Variants in RAPGEF4 observed in about 807,000 individuals in gnomAD.
The protein encoded by RAPGEF4 is Rap guanine nucleotide exchange factor 4.
RAPGEF4 carries 66 observed loss-of-function variants against 147.9 expected under a neutral mutation model. That is an observed-to-expected ratio of 0.45 (90% confidence interval 0.37 to 0.55). The LOEUF is 0.55. Ranked by LOEUF, RAPGEF4 falls within the 20% of genes least tolerant of loss-of-function variation. RAPGEF4 has a pLI of 0.00. For missense variants in RAPGEF4, 1,071 were observed against 1,257.3 expected (o/e 0.85, Z 2.24); for synonymous variants, 419 against 442.7 (o/e 0.95, Z 0.67).
intron 6 of RAPGEF4, among the ~76,000 whole-genome samples, chr2:172,925,226 G>A (rs909441489): frequency 3.9e-5 from 6 of 152,092 alleles, no homozygotes; most frequent in Admixed American, 1.3e-4. Context: ...TGATCCGCCC[G>A]CCTCGGCCTT....
At position 172,957,397 on chromosome 2, in the gene RAPGEF4, C is replaced by T. The variant is rs192379369; in HGVS notation, c.538-3363C>T. ...ACCAAAAAGGAAGTAAATAATCTGA[C>T]ACAAAGGCAATAAAGTTACACTTGT... On this transcript the variant is annotated intron_variant, in intron 6 of 30. Coordinates refer to ENST00000397081, the MANE Select transcript of RAPGEF4 (RefSeq NM_007023.4). Among the ~76,000 whole-genome samples the T allele has an allele frequency of 3.3e-5, 5 of 152,318 alleles. No homozygotes were observed. The East Asian group carries it at 7.7e-4, about 23-fold the overall frequency.
intron 18 of RAPGEF4, among the ~76,000 whole-genome samples, chr2:173,014,899 G>T (rs780692437): frequency 1.3e-5 from 2 of 152,030 alleles, no homozygotes; most frequent in Non-Finnish European, 2.9e-5. Flanking sequence ...TCTGCAGGCT[G>T]CTTTTTCCAT....
chr2:172,848,172 A>G (rs139468276), intron 4 of RAPGEF4, among the ~76,000 whole-genome samples: 2 of 152,138 alleles, frequency 1.3e-5, no homozygotes, highest in Non-Finnish European at 2.9e-5. Flanking sequence ...AGACACCCCA[A>G]ATATGTTCTA....
chr2:173,017,488 C>CAGAG lies in RAPGEF4; in HGVS notation c.1992_1993insAGAG (p.Gly666AlafsTer4). 6.2e-7 allele frequency: 1 copy of CAGAG among 1,613,980 alleles called. No individual in the cohort carries two copies. Among genetic ancestry groups the CAGAG allele is most frequent in the South Asian group, 1.1e-5 (1 of 91,080 alleles). On this transcript the variant is annotated frameshift_variant, in exon 21 of 31. Coordinates refer to ENST00000397081, the MANE Select transcript of RAPGEF4 (RefSeq NM_007023.4). LOFTEE classifies it high-confidence loss of function. ...AGAGAGCCCAGAAGCGCCAGCCTAT[C>CAGAG]CGCGGCTCTGATGAAGGTGAGAACC...
rs576834288 is a variant in RAPGEF4, at chr2:172,829,782, T to TTA, written c.444+15369_444+15370dup. On this transcript the variant is annotated intron_variant, in intron 4 of 30. Coordinates refer to ENST00000397081, the MANE Select transcript of RAPGEF4 (RefSeq NM_007023.4). ...GCCTTTTAGTAATATAATAACTCAT[T>TTA]TATATATATATATTATATATAATAT... Among the ~76,000 whole-genome samples the TTA allele has an allele frequency of 2.1e-3, 309 of 148,108 alleles. 1 individual carries two copies. The highest frequency in any genetic ancestry group is 4.2e-3 in the Admixed American group (62 of 14,790).
At chr2:172,818,339 A>C (rs1374362813) in intron 4 of RAPGEF4, among the ~76,000 whole-genome samples, 2 of 152,168 alleles carry the variant, frequency 1.3e-5, no homozygotes, top group Non-Finnish European at 2.9e-5. Context: ...TTGGAATTTT[A>C]AAAAAGAGAA....
intron 18 of RAPGEF4, 92 bp from the exon 19 acceptor site, chr2:173,016,257 A>T: frequency 1.2e-6 from 1 of 814,200 alleles, no homozygotes; most frequent in Non-Finnish European, 2.1e-6. Flanking sequence ...CTGGTGAAGC[A>T]GATGACATAG....
chr2:172,878,083 G>A (rs1464163760), intron 4 of RAPGEF4, among the ~76,000 whole-genome samples: 1 of 152,188 alleles, frequency 6.6e-6, no homozygotes, highest in Non-Finnish European at 1.5e-5. Flanking sequence ...TGTGCTCTTT[G>A]CATTAGAATC....
intron 1 of RAPGEF4, chr2:172,744,002 G>T (rs1348656946): frequency 6.2e-6 from 1 of 160,306 alleles, no homozygotes; most frequent in African/African-American, 2.4e-5. Context: ...TAACCTAACA[G>T]ATTGATACTT....
intron 4 of RAPGEF4, among the ~76,000 whole-genome samples, chr2:172,846,256 C>T (rs770472972): frequency 5.3e-5 from 8 of 152,140 alleles, no homozygotes; most frequent in Non-Finnish European, 8.8e-5. Flanking sequence ...CTGTTCTACC[C>T]TCAGTCCCAA....
chr2:172,751,467 A>C (rs781190282), intron 1 of RAPGEF4, among the ~76,000 whole-genome samples: 4 of 152,204 alleles, frequency 2.6e-5, no homozygotes, highest in Non-Finnish European at 5.9e-5. Flanking sequence ...ATGAAGCCAA[A>C]GATAAGAGAA....
At chr2:172,806,015 C>CTGTG (rs36226317) in intron 3 of RAPGEF4, among the ~76,000 whole-genome samples, 45 of 145,420 alleles carry the variant, frequency 3.1e-4, no homozygotes, top group African/African-American at 6.7e-4. Flanking sequence ...TATTATCCGG[C>CTGTG]TGTGTGTGTG....
chr2:172,861,589 C>T (rs1166381431), intron 4 of RAPGEF4, among the ~76,000 whole-genome samples: 3 of 152,160 alleles, frequency 2.0e-5, no homozygotes, highest in Admixed American at 6.5e-5. Context: ...AAAGAATAAA[C>T]CTTGACCAAA....
At chr2:173,039,182 G>T (rs2106027966) in intron 29 of RAPGEF4, among the ~76,000 whole-genome samples, 1 of 152,266 alleles carries the variant, frequency 6.6e-6, no homozygotes, top group Non-Finnish European at 1.5e-5. Context: ...AGCAGGCCAG[G>T]TGTGGTGGCT....
chr2:172,746,579 C>T (rs1045346807), intron 1 of RAPGEF4, among the ~76,000 whole-genome samples: 1 of 151,770 alleles, frequency 6.6e-6, no homozygotes, highest in Non-Finnish European at 1.5e-5. Flanking sequence ...GTAAGCATAT[C>T]AAAATGGATG....
At chr2:172,985,599 G>C in intron 12 of RAPGEF4, 106 bp downstream of exon 12, 2 of 1,533,928 alleles carry the variant, frequency 1.3e-6, no homozygotes, top group South Asian at 1.3e-5. Context: ...CCCGGGTCTG[G>C]CTTGGTGACT....
At chr2:172,862,885 T>A (rs1165536964) in intron 4 of RAPGEF4, among the ~76,000 whole-genome samples, 1 of 152,076 alleles carries the variant, frequency 6.6e-6, no homozygotes, top group Non-Finnish European at 1.5e-5. Context: ...CAGGATATAG[T>A]AGTATCATTT....
At chr2:172,864,759 G>A (rs1694440518) in intron 4 of RAPGEF4, among the ~76,000 whole-genome samples, 1 of 152,172 alleles carries the variant, frequency 6.6e-6, no homozygotes, top group South Asian at 2.1e-4. Flanking sequence ...CCAAAAATTA[G>A]CCAGGCATGG....
At chr2:172,889,714 C>A in intron 4 of RAPGEF4, 1 of 387,376 alleles carries the variant, frequency 2.6e-6, no homozygotes, top group Non-Finnish European at 3.5e-6. Context: ...CTACCCACTG[C>A]ATCACTAATC....
Sources: allele counts gnomAD v4.1 joint callset (sites outside exome capture counted in the v4.1 genomes callset), GRCh38; gene constraint gnomAD v4.1.1; transcripts MANE v1.5; gene names NCBI Gene and HGNC (gene_info 2026-07-23, HGNC 2026-07-21).